ZNF667: variants seen among roughly 807,000 people sequenced by gnomAD.
The protein encoded by ZNF667 is zinc finger protein 667.
In ZNF667, 13 loss-of-function variants were observed where a neutral mutation model predicts 31.8. The ratio of observed to expected loss-of-function variants is 0.41; its 90% confidence interval spans 0.27 to 0.65. The LOEUF is 0.65. ZNF667 is among the 30% of genes least tolerant of loss of function. The pLI is 0.32. For missense variants in ZNF667, 642 were observed against 725.6 expected (o/e 0.88, Z 1.32); for synonymous variants, 228 against 247.1 (o/e 0.92, Z 0.73).
Position 56,460,554 on chromosome 19 carries a change from T to G in ZNF667, c.160+135A>C, listed in dbSNP as rs571011864. On this transcript the variant is annotated intron_variant, in intron 5 of 6. Transcript: ENST00000504904. Reference sequence around the variant, plus strand: ...GTGTACTTTTTATGGGTGAATTGTATAGTATGTGAATTATATCTCAATAAA... The same window carrying G: ...GTGTACTTTTTATGGGTGAATTGTAGAGTATGTGAATTATATCTCAATAAA... 14 of 956,622 alleles carry G rather than the reference T, an allele frequency of 1.5e-5. No individual in the cohort carries two copies. In the South Asian group the frequency reaches 3.0e-4, roughly 20 times the overall value. 59.3% of individuals were successfully genotyped at this position (956,622 alleles called of 1,614,324 possible).
chr19:56,470,794 G>C (rs1286366453), intron 3 of ZNF667, among the ~76,000 whole-genome samples: 1 of 152,206 alleles, frequency 6.6e-6, no homozygotes, highest in African/African-American at 2.4e-5. Flanking sequence ...TTCTGAGCGA[G>C]GTTTCCTTCG....
At chr19:56,474,684 C>G (rs2043364167) in intron 1 of ZNF667, 1 of 152,494 alleles carries the variant, frequency 6.6e-6, no homozygotes, top group African/African-American at 2.4e-5. Context: ...GGAGCCTGAG[C>G]TGCAGGCACT....
intron 6 of ZNF667, chr19:56,449,405 G>A: frequency 3.6e-6 from 1 of 277,944 alleles, no homozygotes; most frequent in Non-Finnish European, 7.3e-6. Flanking sequence ...GCCTGGCATG[G>A]TGGAGCATGC....
At chr19:56,466,951 C>T (rs1475814671) in intron 3 of ZNF667, 1 of 454,490 alleles carries the variant, frequency 2.2e-6, no homozygotes, top group Non-Finnish European at 4.4e-6. Flanking sequence ...GGGTAGTTTC[C>T]AATAAACTTG....
At chr19:56,452,111 C>T (rs1423550075) in intron 6 of ZNF667, among the ~76,000 whole-genome samples, 13 of 150,386 alleles carry the variant, frequency 8.6e-5, no homozygotes, top group Admixed American at 3.3e-4. Context: ...TGCAATGGCG[C>T]GATCTTGGCT....
rs752336655 is a variant in ZNF667, at chr19:56,442,520, G to T, written c.475C>A (p.Leu159Ile). Reference protein sequence around the residue: ...CGKTFSRSFSLKLHQNIHTGE... With the variant: ...CGKTFSRSFSIKLHQNIHTGE... ...GTATGAATGTTCTGATGAAGTTTAA[G>T]AGAGAAGCTTCGACTAAAGGTTTTA... is the stretch of plus-strand genomic sequence containing the variant. The change falls in exon 7 of 7, where the codon CTT (leucine) becomes ATT (isoleucine). Residue 159 changes from leucine (L) to isoleucine (I), a missense_variant. Physicochemically the swap from Leu to Ile is conservative, Grantham distance 5. Coordinates refer to ENST00000504904, the MANE Select transcript of ZNF667 (RefSeq NM_001321356.2). 6.2e-7 allele frequency: 1 copy of T among 1,613,814 alleles called. No homozygotes were observed. Among genetic ancestry groups the T allele is most frequent in the East Asian group, 2.2e-5 (1 of 44,872 alleles).
At chr19:56,446,384 T>C (rs1478289968) in intron 6 of ZNF667, among the ~76,000 whole-genome samples, 4 of 152,238 alleles carry the variant, frequency 2.6e-5, no homozygotes, top group African/African-American at 4.8e-5. Flanking sequence ...CCTTTTTTCT[T>C]TTCCTTTTTG....
rs777166123 is a variant in ZNF667 at position 56,441,215 on chromosome 19, G to A, written c.1780C>T (p.Arg594Trp). ...ECSKCGKAYS[R>W]SSSLIRHQNT... ...TGATGTCGAATCAGGGATGAACTCC[G>A]ACTATATGCCTTCCCACATTTACTA... Residue 594 changes from arginine (R) to tryptophan (W), a missense_variant, in exon 7 of 7, where the codon CGG (arginine) becomes TGG (tryptophan). Coordinates refer to ENST00000504904, the MANE Select transcript of ZNF667 (RefSeq NM_001321356.2). This position sits in a 1 kb window ranked among gnomAD's most constrained non-coding sequence, Gnocchi z 4.2. 6 of 1,613,974 alleles carry A rather than the reference G, an allele frequency of 3.7e-6. No individual in the cohort carries two copies. The highest frequency in any genetic ancestry group is 3.3e-5 in the Admixed American group (2 of 60,006).
At chr19:56,460,082 G>A (rs190300811) in intron 5 of ZNF667, among the ~76,000 whole-genome samples, 4 of 152,186 alleles carry the variant, frequency 2.6e-5, no homozygotes, top group Admixed American at 2.6e-4. Flanking sequence ...ATATGCCCCA[G>A]AGAAATGAAA....
intron 3 of ZNF667, chr19:56,469,884 C>T (rs1473140991): frequency 2.1e-6 from 1 of 472,444 alleles, no homozygotes. Flanking sequence ...ACTTTCTTTA[C>T]CAACACTTTT....
At chr19:56,465,279 G>A (rs10422183) in intron 3 of ZNF667, among the ~76,000 whole-genome samples, 2,278 of 152,324 alleles carry the variant, frequency 0.015, 51 homozygotes, top group African/African-American at 0.05. Context: ...TTTCGTCCCC[G>A]TAGGGGTGGA....
At chr19:56,460,064 C>T (rs2043013256) in intron 5 of ZNF667, among the ~76,000 whole-genome samples, 2 of 152,032 alleles carry the variant, frequency 1.3e-5, no homozygotes, top group Non-Finnish European at 2.9e-5. Context: ...GCAATTCTAC[C>T]CCTAGGTATA....
Position 56,442,026 on chromosome 19 carries a change from A to G in ZNF667, c.969T>C (p.Ser323=), listed in dbSNP as rs1371141291. Residue 323 remains serine (S), a synonymous_variant, in exon 7 of 7, where the codon AGT becomes AGC. Coordinates refer to ENST00000504904, the MANE Select transcript of ZNF667 (RefSeq NM_001321356.2). ...ATTTAAAAGGATTCTCTAAATGGTG[A>G]CTTCTTTGCTGTAGACTCTGACTTA... ...KALSQSLQQR[S]HHLENPFKCR... 1 of 1,614,092 alleles carries G rather than the reference A, an allele frequency of 6.2e-7. No individual in the cohort carries two copies. Among genetic ancestry groups the G allele is most frequent in the Middle Eastern group, 1.6e-4 (1 of 6,062 alleles).
intron 6 of ZNF667, among the ~76,000 whole-genome samples, chr19:56,443,018 G>A (rs1222706471): frequency 6.6e-6 from 1 of 152,114 alleles, no homozygotes; most frequent in Admixed American, 6.5e-5. Flanking sequence ...TCCACAGGTT[G>A]TTCAATGGAT....
Position 56,440,983 on chromosome 19 carries a change from T to TTGA in ZNF667, c.*178_*179insTCA. The TTGA allele has an allele frequency of 7.1e-7, 1 of 1,413,810 alleles. No homozygotes were observed. The highest frequency in any genetic ancestry group is 9.2e-7 in the Non-Finnish European group (1 of 1,088,422). The allele number at this position is 1,413,810 out of a possible 1,614,324, so 87.6% of individuals were successfully genotyped here. ...ACAATGACTGACCAAACTTCTGAGT[T>TTGA]TCCTTCAGTTAATTTCAAATCCTGA... On this transcript the variant is annotated 3_prime_UTR_variant, in exon 7 of 7. Transcript: ENST00000504904.
intron 5 of ZNF667, 102 bp downstream of exon 5, chr19:56,460,587 T>TAA (rs1568448015): frequency 7.4e-7 from 1 of 1,359,508 alleles, no homozygotes; most frequent in African/African-American, 1.5e-5. Context: ...AAAGCTCTTT[T>TAA]AAAAAAGAAA....
intron 3 of ZNF667, chr19:56,470,162 A>C (rs1320590733): frequency 2.5e-6 from 1 of 394,996 alleles, no homozygotes; most frequent in African/African-American, 2.1e-5. Flanking sequence ...GGATGAGATG[A>C]GATCATATCA....
At chr19:56,450,222 A>G (rs1487477085) in intron 6 of ZNF667, among the ~76,000 whole-genome samples, 1 of 152,222 alleles carries the variant, frequency 6.6e-6, no homozygotes, top group African/African-American at 2.4e-5. Flanking sequence ...AAAAGCAGCA[A>G]GAGAAAAGAA....
chr19:56,470,207 T>C (rs2043261366), intron 3 of ZNF667, among the ~76,000 whole-genome samples: 1 of 152,240 alleles, frequency 6.6e-6, no homozygotes, highest in Admixed American at 6.5e-5. Flanking sequence ...CTATTTACCC[T>C]CACTGCTGTT....
Sources: gnomAD v4.1 joint callset for allele counts (sites outside exome capture counted in the v4.1 genomes callset) on GRCh38, gnomAD v4.1.1 for gene constraint, Gnocchi (gnomAD v3.1) non-coding constraint, MANE v1.5 for transcripts, NCBI Gene and HGNC (gene_info 2026-07-23, HGNC 2026-07-21) for gene names.